Variants in KDELR2 observed in about 807,000 individuals in gnomAD.
The protein encoded by KDELR2 is ER lumen protein-retaining receptor 2.
In KDELR2, 15 loss-of-function variants were observed where a neutral mutation model predicts 23.9. That is an observed-to-expected ratio of 0.63 (90% confidence interval 0.42 to 0.97). KDELR2 has a LOEUF of 0.97. KDELR2 is among the 50% of genes least tolerant of loss of function. The pLI is 0.00. For missense variants in KDELR2, 272 were observed against 254.6 expected, an observed-to-expected ratio of 1.07 and a Z score of -0.46; for synonymous variants, 119 against 106.2, an observed-to-expected ratio of 1.12 and a Z score of -0.74.
chr7:6,469,787 T>C (rs1477497287), intron 2 of KDELR2, 33 bp from the exon 3 acceptor site: 4 of 1,571,904 alleles, frequency 2.5e-6, no homozygotes, highest in African/African-American at 1.4e-5. Flanking sequence ...CAGGTGTCAA[T>C]ACCTTGCCAC....
intron 1 of KDELR2, among the ~76,000 whole-genome samples, chr7:6,475,369 TG>T (rs1464896807): frequency 6.6e-6 from 1 of 152,102 alleles, no homozygotes; most frequent in Non-Finnish European, 1.5e-5. Flanking sequence ...TGAGGCTGAG[TG>T]AGCTGTGGTC....
At chr7:6,483,525 C>A (rs937013339) in intron 1 of KDELR2, among the ~76,000 whole-genome samples, 1 of 152,192 alleles carries the variant, frequency 6.6e-6, no homozygotes, top group Non-Finnish European at 1.5e-5. Context: ...TCAGGCGCAG[C>A]CGGCCACGAT....
intron 3 of KDELR2, among the ~76,000 whole-genome samples, chr7:6,469,383 G>C (rs1177660207): frequency 6.6e-6 from 1 of 152,108 alleles, no homozygotes; most frequent in East Asian, 1.9e-4. Context: ...AGCCTTCTGA[G>C]TAACTGAGAT....
chr7:6,466,701 C>T (rs1054136608), intron 3 of KDELR2, among the ~76,000 whole-genome samples: 1 of 151,680 alleles, frequency 6.6e-6, no homozygotes, highest in African/African-American at 2.4e-5. Context: ...ACTAGATGGT[C>T]CTATCTGGGG....
chr7:6,474,577 C>A (rs1461063921), intron 1 of KDELR2, among the ~76,000 whole-genome samples: 2 of 152,200 alleles, frequency 1.3e-5, no homozygotes, highest in African/African-American at 4.8e-5. Context: ...CCTTTTACTT[C>A]TCAAATATAT....
intron 1 of KDELR2, among the ~76,000 whole-genome samples, chr7:6,477,524 A>G (rs1182849777): frequency 6.6e-6 from 1 of 152,228 alleles, no homozygotes. Context: ...TCACTTTTGT[A>G]AATGTTTCTG....
At position 6,462,668 on chromosome 7, in the gene KDELR2, A is replaced by T; in HGVS notation, c.*473T>A. On this transcript the variant is annotated 3_prime_UTR_variant, in exon 5 of 5. Transcript: ENST00000258739. ...TTGAACATAGTGTCTCAGATTTCAAACAAATACAGCTCATCTTTTGCCAAA... is the reference window on the plus strand; with the variant it reads ...TTGAACATAGTGTCTCAGATTTCAATCAAATACAGCTCATCTTTTGCCAAA... The T allele has an allele frequency of 3.9e-6, 1 of 258,706 alleles. No individual in the cohort carries two copies. Among genetic ancestry groups the T allele is most frequent in the Non-Finnish European group, 7.3e-6 (1 of 136,322 alleles). 16.0% of individuals were successfully genotyped at this position (258,706 alleles called of 1,614,324 possible).
rs755279089 is a variant in KDELR2 at position 6,469,764 on chromosome 7, AAAG to A, written c.193-13_193-11del. The A allele has an allele frequency of 1.2e-5, 20 of 1,600,130 alleles. No individual in the cohort carries two copies. In the South Asian group the frequency reaches 2.1e-4, roughly 17 times the overall value. On this transcript the variant is annotated splice_polypyrimidine_tract_variant and intron_variant, in intron 2 of 4. Transcript: ENST00000258739. ...AGGCAAGGTAGATAACCTACAAATAAAAGAAAAAACACCAGGTGTCAATACCTT... is the reference window on the plus strand; with the variant it reads ...AGGCAAGGTAGATAACCTACAAATAAAAAAAACACCAGGTGTCAATACCTT...
At chr7:6,466,714 G>C (rs1470294891) in intron 3 of KDELR2, among the ~76,000 whole-genome samples, 6 of 151,800 alleles carry the variant, frequency 4.0e-5, no homozygotes, top group African/African-American at 1.5e-4. Context: ...ATCTGGGGGT[G>C]ATGGGAGACA....
At chr7:6,470,706 T>G (rs1171274434) in intron 2 of KDELR2, among the ~76,000 whole-genome samples, 1 of 152,178 alleles carries the variant, frequency 6.6e-6, no homozygotes, top group African/African-American at 2.4e-5. Context: ...ATAATTTTTG[T>G]TTGTAAACAT....
At chr7:6,475,994 TTTGA>T (rs762918152) in intron 1 of KDELR2, among the ~76,000 whole-genome samples, 2 of 152,178 alleles carry the variant, frequency 1.3e-5, no homozygotes, top group Non-Finnish European at 2.9e-5. Context: ...CCACTGCACC[TTTGA>T]CCTCCCTGGG....
rs555027129 is a variant in KDELR2 at position 6,464,739 on chromosome 7, T to C, written c.604+1332A>G. On this transcript the variant is annotated intron_variant, in intron 4 of 4. Coordinates refer to ENST00000258739, the MANE Select transcript of KDELR2 (RefSeq NM_006854.4). ...ACATATATGCTCTTTTTTTTCTTTTTTTTTTTTTTTTTTGAGACAGAGTTT... is the reference window on the plus strand; with the variant it reads ...ACATATATGCTCTTTTTTTTCTTTTCTTTTTTTTTTTTTGAGACAGAGTTT... 6.6e-3 allele frequency among the ~76,000 whole-genome samples: 983 copies of C among 149,062 alleles called. 4 individuals are homozygous for C. The highest frequency in any genetic ancestry group is 0.01 in the Admixed American group (155 of 14,990).
intron 2 of KDELR2, among the ~76,000 whole-genome samples, chr7:6,472,030 A>G (rs750349751): frequency 1.9e-4 from 29 of 152,034 alleles, no homozygotes; most frequent in Non-Finnish European, 2.6e-4. Flanking sequence ...CCTCCCCAGT[A>G]GCTGAGATTA....
intron 4 of KDELR2, among the ~76,000 whole-genome samples, chr7:6,465,398 T>A (rs939797895): frequency 6.6e-6 from 1 of 151,540 alleles, no homozygotes; most frequent in Non-Finnish European, 1.5e-5. Context: ...TTAGCCAGGA[T>A]GGTCTCGATC....
chr7:6,478,900 T>C (rs1437149761), intron 1 of KDELR2, among the ~76,000 whole-genome samples: 2 of 152,004 alleles, frequency 1.3e-5, no homozygotes, highest in Admixed American at 6.6e-5. Flanking sequence ...GCAATTCTCC[T>C]GCCTCAGCCT....
chr7:6,475,695 T>C (rs1262113928), intron 1 of KDELR2, among the ~76,000 whole-genome samples: 2 of 152,170 alleles, frequency 1.3e-5, no homozygotes, highest in East Asian at 1.9e-4. Flanking sequence ...TGGCCAAATA[T>C]TTATGTGACA....
chr7:6,469,467 G>C (rs1197200450), intron 3 of KDELR2, 129 bp downstream of exon 3: 13 of 776,810 alleles, frequency 1.7e-5, no homozygotes, highest in Admixed American at 9.6e-5. Flanking sequence ...ATGTTGGCCA[G>C]GCTGGTCTCG....
chr7:6,477,103 C>G (rs571333398), intron 1 of KDELR2, among the ~76,000 whole-genome samples: 2 of 152,354 alleles, frequency 1.3e-5, no homozygotes, highest in South Asian at 2.1e-4. Context: ...CATACTGTGT[C>G]TCTGTGACTG....
rs200817664 is a variant in KDELR2, at chr7:6,482,708, G to GA, written c.91+1258dup. ...TTCAGGATCATCTTTTACTGCCTCT[G>GA]AAAAAATTAAGTTCTTGAGTTCAAC... On this transcript the variant is annotated intron_variant, in intron 1 of 4. Coordinates refer to ENST00000258739, the MANE Select transcript of KDELR2 (RefSeq NM_006854.4). 17 of 285,504 alleles carry GA rather than the reference G, an allele frequency of 6.0e-5. No homozygotes were observed. The East Asian group carries it at 1.4e-3, about 24-fold the overall frequency. The allele number at this position is 285,504 out of a possible 1,614,324, so 17.7% of individuals were successfully genotyped here.
Sources: allele counts gnomAD v4.1 joint callset (sites outside exome capture counted in the v4.1 genomes callset), GRCh38; gene constraint gnomAD v4.1.1; transcripts MANE v1.5; gene names NCBI Gene and HGNC (gene_info 2026-07-23, HGNC 2026-07-21).